SAP130: variants seen among roughly 807,000 people sequenced by gnomAD.
SAP130 encodes the protein histone deacetylase complex subunit SAP130.
A neutral mutation model predicts 103.2 loss-of-function variants in SAP130; 16 were observed. That is an observed-to-expected ratio of 0.16 (90% CI 0.10 to 0.24). The LOEUF (loss-of-function observed/expected upper bound fraction) is 0.24. SAP130 is among the 10% of genes least tolerant of loss of function. The pLI is 1.00. For missense variants in SAP130, 990 were observed against 1,359.7 expected (o/e 0.73, Z 4.28); for synonymous variants, 477 against 497.0 (o/e 0.96, Z 0.53).
rs768047550 is a variant in SAP130, at chr2:128,014,900, G to A, written c.522C>T (p.Asn174=). 9 of 1,613,826 alleles carry A rather than the reference G, an allele frequency of 5.6e-6. No individual in the cohort carries two copies. The highest frequency in any genetic ancestry group is 6.8e-6 in the Non-Finnish European group (8 of 1,179,832). Residue 174 remains asparagine, a synonymous_variant, in exon 5 of 21, where the codon AAC becomes AAT. Transcript: ENST00000643581. ...CATTTGTAGTCATGATGTGATGCAG[G>A]TTACTGGGATGGCCCTGAAAGAAAG... ...TISGQQGHPS[N]LHHIMTTNVQ... is the part of the protein sequence containing the mutation.
chr2:127,998,834 T>C (rs1159922905), intron 10 of SAP130, among the ~76,000 whole-genome samples: 1 of 152,172 alleles, frequency 6.6e-6, no homozygotes, highest in Non-Finnish European at 1.5e-5. Context: ...TAGATACAAA[T>C]ACCCGAGTGA....
At chr2:127,961,697 C>T (rs1204719988) in intron 15 of SAP130, among the ~76,000 whole-genome samples, 1 of 152,104 alleles carries the variant, frequency 6.6e-6, no homozygotes, top group Non-Finnish European at 1.5e-5. Context: ...GCGGAATGCA[C>T]GCACTTCCCC....
intron 12 of SAP130, 144 bp from the exon 13 acceptor site, chr2:127,990,010 G>T: frequency 1.3e-6 from 1 of 762,968 alleles, no homozygotes; most frequent in Admixed American, 3.2e-5. Flanking sequence ...AATAAACATT[G>T]TTACTTGAAA....
chr2:128,027,193 CGG>C, intron 1 of SAP130: 1 of 1,230,770 alleles, frequency 8.1e-7, no homozygotes, highest in Non-Finnish European at 1.0e-6. Flanking sequence ...TCGGCGGGCG[CGG>C]GGAGGGATCG....
rs1176830970 is a variant in SAP130, at chr2:128,016,337, C to G, written c.507+52G>C. 3.2e-6 allele frequency: 5 copies of G among 1,565,010 alleles called. No individual in the cohort carries two copies. The Admixed American group carries it at 5.2e-5, about 16-fold the overall frequency. On this transcript the variant is annotated intron_variant, in intron 4 of 20. Transcript: ENST00000643581. ...CTGCTAGCATTCAATAAATCATGAT[C>G]AACAGTTTGGCATTTCAGTTTGAAA... is the stretch of plus-strand genomic sequence containing the variant.
At chr2:127,949,198 A>C (rs1187723697) in intron 18 of SAP130, among the ~76,000 whole-genome samples, 1 of 152,206 alleles carries the variant, frequency 6.6e-6, no homozygotes, top group Non-Finnish European at 1.5e-5. Flanking sequence ...GGATTTATGT[A>C]AGAGAATGGG....
At chr2:127,976,418 TTA>T in intron 15 of SAP130, among the ~76,000 whole-genome samples, 1 of 152,344 alleles carries the variant, frequency 6.6e-6, no homozygotes, top group African/African-American at 2.4e-5. Context: ...AATGGACACA[TTA>T]CATCTATTTT....
At chr2:127,957,669 C>A (rs1249293204) in intron 15 of SAP130, among the ~76,000 whole-genome samples, 1 of 149,684 alleles carries the variant, frequency 6.7e-6, no homozygotes, top group Non-Finnish European at 1.5e-5. Context: ...CGAGACCCTG[C>A]CTCTTAAAAA....
At position 128,027,941 on chromosome 2, in the gene SAP130, T is replaced by C; in HGVS notation, c.-8A>G. On this transcript the variant is annotated splice_region_variant and 5_prime_UTR_variant, in exon 1 of 21. Transcript: ENST00000643581. ...CCCGGGCGCCCGTCCCGCCATTACC[T>C]GGGTGCTGCGCCCAGTGGCCGCCGC... 4 of 984,354 alleles carry C rather than the reference T, an allele frequency of 4.1e-6. No individual in the cohort carries two copies. Among genetic ancestry groups the C allele is most frequent in the South Asian group, 4.7e-5 (1 of 21,284 alleles). The allele number at this position is 984,354 out of a possible 1,614,324, so 61.0% of individuals were successfully genotyped here.
intron 2 of SAP130, among the ~76,000 whole-genome samples, chr2:128,018,798 A>G (rs1247181778): frequency 6.8e-6 from 1 of 146,950 alleles, no homozygotes; most frequent in Non-Finnish European, 1.5e-5. Flanking sequence ...CTTTGTCTCA[A>G]AAAAAAAAAA....
At chr2:128,009,343 C>T (rs1163901128) in intron 7 of SAP130, among the ~76,000 whole-genome samples, 2 of 152,072 alleles carry the variant, frequency 1.3e-5, no homozygotes, top group Non-Finnish European at 2.9e-5. Context: ...TGGTGGTGCA[C>T]ATCTGGAGTT....
intron 15 of SAP130, among the ~76,000 whole-genome samples, chr2:127,974,728 G>A (rs150371185): frequency 0.021 from 3,188 of 152,224 alleles, 80 homozygotes; most frequent in East Asian, 0.06. Context: ...CAGGAGAATC[G>A]GTTGAACATG....
intron 15 of SAP130, among the ~76,000 whole-genome samples, chr2:127,971,564 G>A (rs1389537102): frequency 6.6e-6 from 1 of 152,214 alleles, no homozygotes; most frequent in Non-Finnish European, 1.5e-5. Context: ...TGGGATTACA[G>A]GCATGAGCCA....
At chr2:127,995,284 C>A (rs911771173) in intron 11 of SAP130, among the ~76,000 whole-genome samples, 7 of 152,030 alleles carry the variant, frequency 4.6e-5, no homozygotes, top group Non-Finnish European at 8.8e-5. Context: ...GATTTCACAG[C>A]CAGACAGATA....
rs539347712 is a variant in SAP130 at position 127,942,647 on chromosome 2, T to C, written c.2902-110A>G. The C allele has an allele frequency of 1.6e-5, 11 of 677,378 alleles. No individual in the cohort carries two copies. The highest frequency in any genetic ancestry group is 1.8e-5 in the African/African-American group (1 of 55,962). 42.0% of individuals were successfully genotyped at this position (677,378 alleles called of 1,614,324 possible). A position where few individuals can be genotyped will look rare whatever the true frequency, so the allele number is the denominator to read the frequency against. Reference sequence around the variant, plus strand: ...CCTTTGTAAACTGTCTAAGAGTTGTTTGGGTGACAACGTCCTTTCTCCTAA... The same window carrying C: ...CCTTTGTAAACTGTCTAAGAGTTGTCTGGGTGACAACGTCCTTTCTCCTAA... On this transcript the variant is annotated intron_variant, in intron 19 of 20. Coordinates refer to ENST00000643581, the MANE Select transcript of SAP130 (RefSeq NM_001330301.2). This position sits in a 1 kb window ranked among gnomAD's most constrained non-coding sequence, Gnocchi z 4.8.
rs368865020 is a variant in SAP130 at position 127,948,382 on chromosome 2, GGA to G, written c.2797+1485_2797+1486del. Among the ~76,000 whole-genome samples the G allele has an allele frequency of 1.8e-4, 24 of 134,508 alleles. 1 individual carries two copies. The East Asian group carries it at 4.9e-3, about 27-fold the overall frequency. The allele number at this position is 134,508 out of a possible 152,430, so 88.2% of individuals were successfully genotyped here. A position where few individuals can be genotyped will look rare whatever the true frequency, so the allele number is the denominator to read the frequency against. On this transcript the variant is annotated intron_variant, in intron 18 of 20. Transcript: ENST00000643581. The stretch of plus-strand genomic sequence containing the variant: ...AGAGTCTTGCTCGGTCACCCAGGAT[GGA>G]GTGTGGTAGCGGTGGTGCGATCTTG...
At position 127,989,929 on chromosome 2, in the gene SAP130, G is replaced by T; in HGVS notation, c.1478-63C>A. 1.4e-6 allele frequency: 2 copies of T among 1,463,958 alleles called. No homozygotes were observed. The highest frequency in any genetic ancestry group is 1.9e-6 in the Non-Finnish European group (2 of 1,077,022). 90.7% of individuals were successfully genotyped at this position (1,463,958 alleles called of 1,614,324 possible). A position where few individuals can be genotyped will look rare whatever the true frequency, so the allele number is the denominator to read the frequency against. On this transcript the variant is annotated intron_variant, in intron 12 of 20. Coordinates refer to ENST00000643581, the MANE Select transcript of SAP130 (RefSeq NM_001330301.2). This position sits in a 1 kb window ranked among gnomAD's most constrained non-coding sequence, Gnocchi z 4.6. ...CTTCATTTCACACAGTCCACATAAA[G>T]AGAGAAACACTAAAAACGGATTTCC... is the stretch of plus-strand genomic sequence containing the variant.
chr2:127,942,503 G>T lies in SAP130; in HGVS notation c.2936C>A (p.Thr979Asn), dbSNP rs755090908. Residue 979 changes from threonine (T) to asparagine (N), a missense_variant, in exon 20 of 21, where the codon ACT becomes AAT. Transcript: ENST00000643581. This position sits in a 1 kb window ranked among gnomAD's most constrained non-coding sequence, Gnocchi z 4.8. ...NLEHDVYERL[T>N]NLQEGIIPKK... ...TGGGATAATCCCTTCCTGCAGGTTA[G>T]TAAGTCTTTCATAGACATCATGTTC... 1.2e-6 allele frequency: 2 copies of T among 1,613,060 alleles called. No homozygotes were observed. The highest frequency in any genetic ancestry group is 1.3e-5 in the African/African-American group (1 of 74,894).
At chr2:127,977,934 G>GC (rs1681586616) in intron 15 of SAP130, 51 bp downstream of exon 15, 1 of 1,327,700 alleles carries the variant, frequency 7.5e-7, no homozygotes, top group African/African-American at 1.5e-5. Context: ...CTCCCCAACT[G>GC]CAACGATGTG....
Sources: gnomAD v4.1 joint callset for allele counts (sites outside exome capture counted in the v4.1 genomes callset) on GRCh38, gnomAD v4.1.1 for gene constraint, Gnocchi (gnomAD v3.1) non-coding constraint, MANE v1.5 for transcripts, NCBI Gene and HGNC (gene_info 2026-07-23, HGNC 2026-07-21) for gene names.